Variants in HS6ST3 observed in about 807,000 individuals in gnomAD.
HS6ST3 encodes heparan-sulfate 6-O-sulfotransferase 3.
A neutral mutation model predicts 36.7 loss-of-function variants in HS6ST3; 12 were observed. That is an observed-to-expected ratio of 0.33 (90% CI 0.21 to 0.53). The LOEUF is 0.53. Among genes scored for constraint, HS6ST3 ranks in the 20% least tolerant of loss-of-function variants. The pLI is 0.95. For missense variants in HS6ST3, 584 were observed against 640.9 expected, an observed-to-expected ratio of 0.91 and a Z score of 0.96; for synonymous variants, 240 against 257.5, an observed-to-expected ratio of 0.93 and a Z score of 0.65.
chr13:96,131,531 A>G (rs2053975692), intron 1 of HS6ST3, among the ~76,000 whole-genome samples: 1 of 152,196 alleles, frequency 6.6e-6, no homozygotes, highest in Non-Finnish European at 1.5e-5. Flanking sequence ...ATGTATTACC[A>G]TACATGCTTA....
At chr13:96,093,307 A>G (rs2053774349) in intron 1 of HS6ST3, among the ~76,000 whole-genome samples, 1 of 152,226 alleles carries the variant, frequency 6.6e-6, no homozygotes, top group Admixed American at 6.5e-5. Context: ...GTGGAATCTA[A>G]AAATAATTAG....
intron 1 of HS6ST3, among the ~76,000 whole-genome samples, chr13:96,744,793 T>G (rs2138487618): frequency 6.6e-6 from 1 of 152,198 alleles, no homozygotes; most frequent in South Asian, 2.1e-4. Flanking sequence ...CAAAATCAAA[T>G]CTATCGCTTG....
chr13:96,677,273 A>G (rs2056701808), intron 1 of HS6ST3, among the ~76,000 whole-genome samples: 1 of 152,154 alleles, frequency 6.6e-6, no homozygotes, highest in South Asian at 2.1e-4. Context: ...AATAAAATGT[A>G]AGATAAAAAT....
chr13:96,322,995 G>A (rs1356591600), intron 1 of HS6ST3, among the ~76,000 whole-genome samples: 3 of 152,012 alleles, frequency 2.0e-5, no homozygotes, highest in East Asian at 1.9e-4. Flanking sequence ...AGTCTTCCTC[G>A]CTAGTTCCCT....
At chr13:96,180,508 T>A (rs1045842974) in intron 1 of HS6ST3, among the ~76,000 whole-genome samples, 1 of 146,986 alleles carries the variant, frequency 6.8e-6, no homozygotes, top group African/African-American at 2.5e-5. Flanking sequence ...GCAAAATAAA[T>A]AAGGAAGGGC....
At chr13:96,170,464 T>G (rs1240611048) in intron 1 of HS6ST3, among the ~76,000 whole-genome samples, 3 of 152,246 alleles carry the variant, frequency 2.0e-5, no homozygotes, top group Non-Finnish European at 4.4e-5. Flanking sequence ...TGCCTAAAAA[T>G]AAGTCATTTC....
intron 1 of HS6ST3, among the ~76,000 whole-genome samples, chr13:96,180,426 T>C (rs2054234276): frequency 6.6e-6 from 1 of 152,226 alleles, no homozygotes; most frequent in Admixed American, 6.5e-5. Context: ...CAAGTTTTTG[T>C]TGTTCTTGTT....
chr13:96,647,265 A>G (rs1308335727), intron 1 of HS6ST3, among the ~76,000 whole-genome samples: 1 of 152,058 alleles, frequency 6.6e-6, no homozygotes, highest in Non-Finnish European at 1.5e-5. Context: ...TAGAAATATG[A>G]TTACCATTTG....
intron 1 of HS6ST3, among the ~76,000 whole-genome samples, chr13:96,764,287 G>A (rs1338810013): frequency 6.6e-6 from 1 of 152,164 alleles, no homozygotes; most frequent in African/African-American, 2.4e-5. Context: ...AAAGTGATTG[G>A]TCTTATTAAC....
intron 1 of HS6ST3, among the ~76,000 whole-genome samples, chr13:96,494,397 T>TGGGGGGA (rs2055962831): frequency 3.1e-5 from 1 of 32,122 alleles, no homozygotes; most frequent in African/African-American, 1.3e-4. Context: ...TGTTGTGGGG[T>TGGGGGGA]GGGGGGAGGG....
intron 1 of HS6ST3, among the ~76,000 whole-genome samples, chr13:96,699,022 G>A (rs1875208197): frequency 1.3e-5 from 2 of 152,150 alleles, no homozygotes; most frequent in South Asian, 4.1e-4. Context: ...TTTAATAAAT[G>A]CTGCTGGGAA....
chr13:96,694,617 C>T (rs1030708054), intron 1 of HS6ST3, among the ~76,000 whole-genome samples: 2 of 152,178 alleles, frequency 1.3e-5, no homozygotes, highest in African/African-American at 4.8e-5. Context: ...AACTGCCACA[C>T]TGTTTTCCAC....
chr13:96,510,009 A>G (rs1283425161), intron 1 of HS6ST3, among the ~76,000 whole-genome samples: 1 of 152,110 alleles, frequency 6.6e-6, no homozygotes, highest in Admixed American at 6.6e-5. Flanking sequence ...TGTGTCATCT[A>G]TGATTTATTT....
At chr13:96,749,473 A>T (rs569839629) in intron 1 of HS6ST3, among the ~76,000 whole-genome samples, 14 of 152,294 alleles carry the variant, frequency 9.2e-5, no homozygotes, top group African/African-American at 3.4e-4. Context: ...CATTTAATTC[A>T]TAAAAGAGAG....
chr13:96,692,104 T>C (rs1277048779), intron 1 of HS6ST3, among the ~76,000 whole-genome samples: 1 of 152,144 alleles, frequency 6.6e-6, no homozygotes, highest in Non-Finnish European at 1.5e-5. Context: ...GATTGAAATT[T>C]TTAGAGTCAT....
intron 1 of HS6ST3, among the ~76,000 whole-genome samples, chr13:96,725,425 A>G (rs1007784692): frequency 6.6e-6 from 1 of 152,168 alleles, no homozygotes; most frequent in Non-Finnish European, 1.5e-5. Flanking sequence ...TTGGTGTCAT[A>G]TCTATGAAAT....
chr13:96,775,590 A>G (rs1877368949), intron 1 of HS6ST3, among the ~76,000 whole-genome samples: 1 of 152,168 alleles, frequency 6.6e-6, no homozygotes, highest in African/African-American at 2.4e-5. Flanking sequence ...ATCAAAAAAG[A>G]CAAATAAAGA....
chr13:96,151,494 A>T (rs1212765067), intron 1 of HS6ST3, among the ~76,000 whole-genome samples: 2 of 152,114 alleles, frequency 1.3e-5, no homozygotes, highest in African/African-American at 4.8e-5. Context: ...TGAAGTCTAG[A>T]TGGATATACG....
At chr13:96,781,801 A>G (rs1877534972) in intron 1 of HS6ST3, among the ~76,000 whole-genome samples, 2 of 152,204 alleles carry the variant, frequency 1.3e-5, no homozygotes, top group African/African-American at 4.8e-5. Flanking sequence ...CTTGTTTCCA[A>G]GAGATGATCA....
Sources: gnomAD v4.1 joint callset for allele counts (sites outside exome capture counted in the v4.1 genomes callset) on GRCh38, gnomAD v4.1.1 for gene constraint, MANE v1.5 for transcripts, NCBI Gene and HGNC (gene_info 2026-07-23, HGNC 2026-07-21) for gene names.